The following BTBD9 variants were observed in gnomAD, a reference collection of about 807,000 sequenced individuals.
BTBD9 encodes the protein BTB/POZ domain-containing protein 9.
In BTBD9, 49 loss-of-function variants were observed where a neutral mutation model predicts 64.3. The ratio of observed to expected loss-of-function variants is 0.76; its 90% CI spans 0.61 to 0.97. BTBD9 has a LOEUF of 0.97. BTBD9 is among the 50% of genes least tolerant of loss of function. The probability of loss-of-function intolerance (pLI) is 0.00; values close to 1 mark genes in which losing one functional copy is unlikely to be tolerated. For missense variants in BTBD9, 598 were observed against 762.1 expected, an observed-to-expected ratio of 0.78 and a Z score of 2.53; for synonymous variants, 260 against 274.7, an observed-to-expected ratio of 0.95 and a Z score of 0.53.
At chr6:38,512,401 G>T (rs1248919509) in intron 6 of BTBD9, among the ~76,000 whole-genome samples, 3 of 152,148 alleles carry the variant, frequency 2.0e-5, no homozygotes, top group South Asian at 2.1e-4. Context: ...ACATTTAGAT[G>T]ACCCATGTAA....
intron 7 of BTBD9, among the ~76,000 whole-genome samples, chr6:38,305,107 C>T (rs12208912): frequency 0.37 from 56,506 of 151,804 alleles, 11,519 homozygotes; most frequent in Non-Finnish European, 0.47. Context: ...AAGGTTGTGG[C>T]GCTTAACCTT....
chr6:38,512,958 C>T (rs1772839921), intron 6 of BTBD9, among the ~76,000 whole-genome samples: 1 of 151,988 alleles, frequency 6.6e-6, no homozygotes, highest in Admixed American at 6.6e-5. Flanking sequence ...TAATAAGAAG[C>T]TAGTAAAAAA....
intron 9 of BTBD9, among the ~76,000 whole-genome samples, chr6:38,206,495 C>A (rs1447915953): frequency 6.6e-6 from 1 of 152,042 alleles, no homozygotes; most frequent in Non-Finnish European, 1.5e-5. Context: ...CCTGCCTCAG[C>A]CTCCCAAAGT....
chr6:38,238,470 G>GTT (rs34641170), intron 9 of BTBD9, among the ~76,000 whole-genome samples: 1,775 of 127,934 alleles, frequency 0.014, 118 homozygotes, highest in East Asian at 0.034. Flanking sequence ...GGAGACCAAG[G>GTT]TTTTTTGTTT....
intron 6 of BTBD9, among the ~76,000 whole-genome samples, chr6:38,518,825 T>C (rs1773155056): frequency 1.3e-5 from 2 of 152,232 alleles, no homozygotes; most frequent in Non-Finnish European, 2.9e-5. Context: ...TAAGGTGCCA[T>C]TATACAAGGG....
intron 9 of BTBD9, among the ~76,000 whole-genome samples, chr6:38,254,669 C>T (rs527332892): frequency 6.6e-6 from 1 of 152,234 alleles, no homozygotes; most frequent in Non-Finnish European, 1.5e-5. Flanking sequence ...AGATGCTCAA[C>T]ATCATTAGCC....
At chr6:38,634,065 T>C (rs1437249500) in intron 1 of BTBD9, among the ~76,000 whole-genome samples, 3 of 152,322 alleles carry the variant, frequency 2.0e-5, no homozygotes, top group East Asian at 3.9e-4. Context: ...TGGCACACTA[T>C]AAATGCTTAA....
intron 9 of BTBD9, among the ~76,000 whole-genome samples, chr6:38,226,477 C>G (rs944612258): frequency 7.2e-5 from 11 of 152,126 alleles, no homozygotes. Flanking sequence ...CAGCAGCCAG[C>G]AAGATGGCAG....
intron 6 of BTBD9, among the ~76,000 whole-genome samples, chr6:38,366,757 GAAT>G (rs1055240267): frequency 1.3e-5 from 2 of 152,196 alleles, no homozygotes; most frequent in Admixed American, 6.5e-5. Context: ...CTTTTTGGAA[GAAT>G]AAGAAAGGGA....
At chr6:38,420,065 T>A (rs1470989128) in intron 6 of BTBD9, among the ~76,000 whole-genome samples, 10 of 152,116 alleles carry the variant, frequency 6.6e-5, no homozygotes. Context: ...CACTGACATC[T>A]CATTTCCTAA....
intron 6 of BTBD9, among the ~76,000 whole-genome samples, chr6:38,453,546 T>C (rs796906485): frequency 6.6e-5 from 10 of 151,970 alleles, no homozygotes; most frequent in African/African-American, 2.4e-4. Flanking sequence ...TCAGAGTGGT[T>C]TTAAGTATTT....
At chr6:38,471,448 C>G (rs1391387624) in intron 6 of BTBD9, among the ~76,000 whole-genome samples, 1 of 152,128 alleles carries the variant, frequency 6.6e-6, no homozygotes, top group East Asian at 1.9e-4. Context: ...AACCCACAAT[C>G]CACTTCTTTC....
intron 6 of BTBD9, among the ~76,000 whole-genome samples, chr6:38,467,057 A>G (rs1009782956): frequency 6.6e-6 from 1 of 152,218 alleles, no homozygotes; most frequent in Non-Finnish European, 1.5e-5. Context: ...GAACATTTAC[A>G]TTAGAATGTG....
intron 10 of BTBD9, among the ~76,000 whole-genome samples, chr6:38,176,898 C>T (rs1424977473): frequency 6.6e-6 from 1 of 152,220 alleles, no homozygotes; most frequent in Admixed American, 6.5e-5. Flanking sequence ...TGAGGTCAGG[C>T]TCTGCGGGGC....
At position 38,593,996 on chromosome 6, in the gene BTBD9, G is replaced by A; in HGVS notation, c.517C>T (p.Leu173Phe). Residue 173 changes from leucine to phenylalanine, a missense_variant, in exon 3 of 11, where the codon CTC becomes TTC. Physicochemically the swap from Leu to Phe is conservative, Grantham distance 22 (BLOSUM62 0). Coordinates refer to ENST00000481247, the MANE Select transcript of BTBD9 (RefSeq NM_001099272.2). ...MFMDRNAQEV[L>F]SSEGFLSLSK... ...AGGGAGAGGAAACCTTCACTTGAGA[G>A]GACTTCCTGAGCATTCCTATCCATA... 1 of 1,613,716 alleles carries A rather than the reference G, an allele frequency of 6.2e-7. No homozygotes were observed. The highest frequency in any genetic ancestry group is 1.1e-5 in the South Asian group (1 of 90,926).
chr6:38,193,957 T>C (rs1041842146), intron 9 of BTBD9: 41 of 899,238 alleles, frequency 4.6e-5, no homozygotes, highest in Non-Finnish European at 5.2e-5. Context: ...TCTGTGCCCC[T>C]GAAACCAGTG....
intron 9 of BTBD9, among the ~76,000 whole-genome samples, chr6:38,230,278 T>C (rs1210332623): frequency 6.6e-6 from 1 of 152,148 alleles, no homozygotes; most frequent in Non-Finnish European, 1.5e-5. Context: ...ACAGATCACC[T>C]GAGGTCAGGA....
chr6:38,203,984 C>A (rs1762551923), intron 9 of BTBD9, among the ~76,000 whole-genome samples: 1 of 152,048 alleles, frequency 6.6e-6, no homozygotes, highest in African/African-American at 2.4e-5. Context: ...ATTACACATT[C>A]TATGCATGTA....
intron 7 of BTBD9, among the ~76,000 whole-genome samples, chr6:38,310,094 G>A (rs1350714091): frequency 3.3e-5 from 5 of 152,120 alleles, no homozygotes; most frequent in Non-Finnish European, 7.4e-5. Context: ...AAGAATCTCC[G>A]CAGATCTCAT....
Sources: gnomAD v4.1 joint callset for allele counts (sites outside exome capture counted in the v4.1 genomes callset) on GRCh38, gnomAD v4.1.1 for gene constraint, MANE v1.5 for transcripts, NCBI Gene and HGNC (gene_info 2026-07-23, HGNC 2026-07-21) for gene names.